The following NRXN3 variants were observed in gnomAD, a reference collection of about 807,000 sequenced individuals.
The protein encoded by NRXN3 is neurexin III.
Under a neutral mutation model 137.6 loss-of-function variants are expected in NRXN3, and 32 were observed. That is an observed-to-expected ratio of 0.23 (90% CI 0.18 to 0.31). The LOEUF is 0.31. Among genes scored for constraint, NRXN3 ranks in the 10% least tolerant of loss-of-function variants. The probability of loss-of-function intolerance (pLI) is 1.00; values close to 1 mark genes in which losing one functional copy is unlikely to be tolerated. For missense variants in NRXN3, 1,574 were observed against 2,062.5 expected, an observed-to-expected ratio of 0.76 and a Z score of 4.59; for synonymous variants, 798 against 784.5, an observed-to-expected ratio of 1.02 and a Z score of -0.29.
chr14:78,684,066 T>G (rs2098103272), intron 6 of NRXN3, among the ~76,000 whole-genome samples: 1 of 152,178 alleles, frequency 6.6e-6, no homozygotes, highest in African/African-American at 2.4e-5. Context: ...ATTGTCTTCT[T>G]AAATCTTTGT....
intron 20 of NRXN3, among the ~76,000 whole-genome samples, chr14:79,826,168 A>G (rs1447600704): frequency 6.6e-6 from 1 of 151,858 alleles, no homozygotes; most frequent in Non-Finnish European, 1.5e-5. Flanking sequence ...GCTAGTTTTT[A>G]TATTTTTAGT....
chr14:78,640,115 T>A (rs915896143), intron 4 of NRXN3, among the ~76,000 whole-genome samples: 3 of 152,190 alleles, frequency 2.0e-5, no homozygotes, highest in African/African-American at 2.4e-5. Context: ...TTTGGTTTCC[T>A]CCTGTGTTCT....
rs559265122 is a variant in NRXN3 at position 78,597,834 on chromosome 14, G to A, written c.758-47286G>A. On this transcript the variant is annotated intron_variant, in intron 4 of 20. Coordinates refer to ENST00000335750, the MANE Select transcript of NRXN3 (RefSeq NM_001330195.2). ...TGGCCATGAGTCAAGGGGATGCAAG[G>A]GTATCTGTGGTTCAAGAAGATGCAC... Among the ~76,000 whole-genome samples the A allele has an allele frequency of 4.6e-5, 7 of 152,274 alleles. No individual in the cohort carries two copies. The East Asian group carries it at 1.4e-3, about 29-fold the overall frequency.
At chr14:78,814,992 A>G (rs1030329228) in intron 10 of NRXN3, among the ~76,000 whole-genome samples, 9 of 152,136 alleles carry the variant, frequency 5.9e-5, no homozygotes, top group East Asian at 1.9e-4. Flanking sequence ...TTCTTTTTCT[A>G]TTTCTCTTTC....
intron 1 of NRXN3, among the ~76,000 whole-genome samples, chr14:78,210,821 C>T (rs965657614): frequency 7.2e-5 from 11 of 151,914 alleles, no homozygotes; most frequent in African/African-American, 2.4e-4. Flanking sequence ...TGCAAGCAGC[C>T]GTGGTAAATC....
chr14:78,587,517 G>A (rs1055003936), intron 4 of NRXN3, among the ~76,000 whole-genome samples: 1 of 152,166 alleles, frequency 6.6e-6, no homozygotes, highest in Non-Finnish European at 1.5e-5. Flanking sequence ...TGATTTTAAT[G>A]AGTCTTCCAG....
At chr14:79,213,152 T>C (rs75118976) in intron 15 of NRXN3, among the ~76,000 whole-genome samples, 2,518 of 152,226 alleles carry the variant, frequency 0.017, 60 homozygotes, top group African/African-American at 0.056. Context: ...CACCTCCATT[T>C]TTCCCCTGTC....
At chr14:79,783,646 C>CT (rs1297220922) in intron 19 of NRXN3, among the ~76,000 whole-genome samples, 7 of 152,028 alleles carry the variant, frequency 4.6e-5, no homozygotes, top group Admixed American at 2.0e-4. Context: ...CTTTGAGTAA[C>CT]TTTTTTTAAT....
chr14:78,296,924 A>G (rs1013292701), intron 3 of NRXN3, among the ~76,000 whole-genome samples: 2 of 152,226 alleles, frequency 1.3e-5, no homozygotes, highest in Non-Finnish European at 2.9e-5. Context: ...AACAGAACCA[A>G]TACAAGAGCA....
intron 8 of NRXN3, among the ~76,000 whole-genome samples, chr14:78,742,131 G>T (rs2098579107): frequency 6.6e-6 from 1 of 152,150 alleles, no homozygotes; most frequent in Non-Finnish European, 1.5e-5. Context: ...GCTTCCCACG[G>T]AAACTAATGG....
At chr14:79,758,771 C>T (rs1276170060) in intron 19 of NRXN3, among the ~76,000 whole-genome samples, 1 of 152,136 alleles carries the variant, frequency 6.6e-6, no homozygotes, top group Middle Eastern at 3.2e-3. Flanking sequence ...TATACACACT[C>T]AGCATTGCAA....
chr14:79,669,856 T>A (rs2098596700), intron 17 of NRXN3, among the ~76,000 whole-genome samples: 1 of 152,004 alleles, frequency 6.6e-6, no homozygotes, highest in Admixed American at 6.6e-5. Flanking sequence ...GGCCCAGGCA[T>A]TTTTTTGTTT....
chr14:79,531,986 T>C (rs1375745933), intron 16 of NRXN3, among the ~76,000 whole-genome samples: 1 of 152,238 alleles, frequency 6.6e-6, no homozygotes, highest in African/African-American at 2.4e-5. Context: ...TTATTGCTGT[T>C]AGATTTGGAG....
intron 15 of NRXN3, among the ~76,000 whole-genome samples, chr14:79,351,783 A>G (rs927932026): frequency 2.0e-5 from 3 of 152,206 alleles, no homozygotes; most frequent in African/African-American, 7.2e-5. Context: ...ACTTCTTTTA[A>G]TCATAAAGCA....
chr14:79,043,251 A>G (rs1235114822), intron 15 of NRXN3, among the ~76,000 whole-genome samples: 1 of 151,886 alleles, frequency 6.6e-6, no homozygotes, highest in Non-Finnish European at 1.5e-5. Context: ...ATGGTTCATC[A>G]GTTTGCTCCC....
intron 14 of NRXN3, among the ~76,000 whole-genome samples, chr14:78,968,771 T>G (rs960559700): frequency 1.3e-5 from 2 of 152,292 alleles, no homozygotes; most frequent in African/African-American, 4.8e-5. Flanking sequence ...TTTTGGCTGA[T>G]AGTGACTGCA....
At position 79,759,497 on chromosome 14, in the gene NRXN3, A is replaced by T. The variant is rs2099031114; in HGVS notation, c.4015-45615A>T. On this transcript the variant is annotated intron_variant, in intron 19 of 20. Coordinates refer to ENST00000335750, the MANE Select transcript of NRXN3 (RefSeq NM_001330195.2). ...TATAAAATCTTTTATTTGAGCAATT[A>T]AAAAAAGCTATCTTCTTTCAGTCTT... Among the ~76,000 whole-genome samples the T allele has an allele frequency of 2.6e-5, 4 of 151,680 alleles. No homozygotes were observed. In the South Asian group the frequency reaches 8.3e-4, roughly 31 times the overall value.
chr14:78,694,419 A>G (rs527801164), intron 6 of NRXN3, among the ~76,000 whole-genome samples: 1 of 151,960 alleles, frequency 6.6e-6, no homozygotes, highest in Non-Finnish European at 1.5e-5. Flanking sequence ...TGTATATAAT[A>G]GTTGATCAAT....
intron 10 of NRXN3, among the ~76,000 whole-genome samples, chr14:78,911,818 G>A (rs2099238600): frequency 6.6e-6 from 1 of 152,076 alleles, no homozygotes; most frequent in Non-Finnish European, 1.5e-5. Context: ...AGACCCTAGG[G>A]TGGAGGATGG....
Sources: allele counts gnomAD v4.1 joint callset (sites outside exome capture counted in the v4.1 genomes callset), GRCh38; gene constraint gnomAD v4.1.1; transcripts MANE v1.5; gene names NCBI Gene and HGNC (gene_info 2026-07-23, HGNC 2026-07-21).